Variants in ROPN1L observed in about 807,000 individuals in gnomAD.
ROPN1L encodes the protein rhophilin associated tail protein 1 like.
Under a neutral mutation model 22.7 loss-of-function variants are expected in ROPN1L, and 23 were observed. That is an observed-to-expected ratio of 1.01 (90% CI 0.73 to 1.43). ROPN1L has a LOEUF of 1.43. ROPN1L is among the 40% of genes most tolerant of loss of function. ROPN1L has a pLI of 0.00. For synonymous variants in ROPN1L, 116 were observed against 117.8 expected, an observed-to-expected ratio of 0.98 and a Z score of 0.10; for missense variants, 271 against 291.5, an observed-to-expected ratio of 0.93 and a Z score of 0.51.
At chr5:10,466,884 T>C (rs1307301429), downstream of ROPN1L, among the ~76,000 whole-genome samples, 1 of 152,126 alleles carries the variant, frequency 6.6e-6, no homozygotes, top group Non-Finnish European at 1.5e-5. Context: ...AGGGCTGGTT[T>C]CTCCGGAGGC....
chr5:10,455,142 T>C (rs979994881), intron 3 of ROPN1L, among the ~76,000 whole-genome samples: 3 of 152,178 alleles, frequency 2.0e-5, no homozygotes, highest in African/African-American at 7.2e-5. Context: ...CCCATCCAGC[T>C]GTGCTACAGC....
At chr5:10,443,067 A>G (rs905709395) in intron 1 of ROPN1L, among the ~76,000 whole-genome samples, 1 of 152,156 alleles carries the variant, frequency 6.6e-6, no homozygotes, top group African/African-American at 2.4e-5. Context: ...CAACATTTCA[A>G]ATTTTGGCTG....
At chr5:10,472,132 G>T (rs564221252), downstream of ROPN1L, 7 of 152,338 alleles carry the variant, frequency 4.6e-5, no homozygotes, top group East Asian at 1.3e-3. Context: ...AGGAGAAGTT[G>T]GGAGGAAGGC....
chr5:10,470,694 A>C (rs1392421471), intron 4 of ROPN1L, among the ~76,000 whole-genome samples: 1 of 152,176 alleles, frequency 6.6e-6, no homozygotes, highest in Non-Finnish European at 1.5e-5. Flanking sequence ...CACATGTCCC[A>C]CCTCAAACCC....
At chr5:10,459,417 T>C (rs953247802) in intron 3 of ROPN1L, among the ~76,000 whole-genome samples, 6 of 149,550 alleles carry the variant, frequency 4.0e-5, no homozygotes, top group African/African-American at 1.5e-4. Flanking sequence ...GCAGAAGGAC[T>C]CCTTAGAAAC....
chr5:10,470,122 A>G (rs1735221510), intron 4 of ROPN1L, among the ~76,000 whole-genome samples: 2 of 152,244 alleles, frequency 1.3e-5, no homozygotes, highest in South Asian at 4.1e-4. Flanking sequence ...TTTGCAGCCA[A>G]TAATTTTTTT....
the ROPN1L span, among the ~76,000 whole-genome samples, chr5:10,481,605 A>G: frequency 6.6e-6 from 1 of 152,204 alleles, no homozygotes; most frequent in African/African-American, 2.4e-5. Flanking sequence ...ATATCAAAGC[A>G]TCAGAATGCA....
intron 3 of ROPN1L, among the ~76,000 whole-genome samples, chr5:10,459,498 C>T (rs761531572): frequency 6.6e-6 from 1 of 152,134 alleles, no homozygotes; most frequent in Non-Finnish European, 1.5e-5. Flanking sequence ...AAGCCCAAGT[C>T]CTCCCTGGGT....
rs559103151 is a variant in ROPN1L, at chr5:10,455,146, C to T, written c.417+5033C>T. 9.2e-5 allele frequency among the ~76,000 whole-genome samples: 14 copies of T among 152,322 alleles called. No homozygotes were observed. The South Asian group carries it at 2.7e-3, about 29-fold the overall frequency. On this transcript the variant is annotated intron_variant, in intron 3 of 4. Transcript: ENST00000274134. Reference sequence around the variant, plus strand: ...CAGAACATCGCCCCATCCAGCTGTGCTACAGCATGTCAGATTCAGTGACTG... The same window carrying T: ...CAGAACATCGCCCCATCCAGCTGTGTTACAGCATGTCAGATTCAGTGACTG...
downstream of ROPN1L, among the ~76,000 whole-genome samples, chr5:10,469,152 A>T (rs1314505423): frequency 1.3e-5 from 2 of 150,526 alleles, no homozygotes; most frequent in Non-Finnish European, 3.0e-5. Flanking sequence ...AACTTTCTTT[A>T]AAAAAATAAA....
chr5:10,447,276 G>C (rs887206768), intron 1 of ROPN1L, among the ~76,000 whole-genome samples: 3 of 152,202 alleles, frequency 2.0e-5, no homozygotes, highest in Non-Finnish European at 2.9e-5. Flanking sequence ...AGAAGGTCTT[G>C]CCTGGCACCC....
intron 2 of ROPN1L, among the ~76,000 whole-genome samples, 157 bp from the exon 3 acceptor site, chr5:10,449,795 C>G (rs1242476821): frequency 6.6e-6 from 1 of 152,164 alleles, no homozygotes; most frequent in Non-Finnish European, 1.5e-5. Flanking sequence ...TCCCTGCCTT[C>G]CCTCCCCAGG....
At chr5:10,474,504 C>T (rs1348873351), downstream of ROPN1L, among the ~76,000 whole-genome samples, 5 of 152,132 alleles carry the variant, frequency 3.3e-5, no homozygotes, top group Admixed American at 1.3e-4. Context: ...GACCTCCAGC[C>T]GACTACCAGC....
At chr5:10,446,517 T>C (rs904551062) in intron 1 of ROPN1L, among the ~76,000 whole-genome samples, 9 of 152,074 alleles carry the variant, frequency 5.9e-5, no homozygotes, top group African/African-American at 1.9e-4. Context: ...AAAAATCAGC[T>C]GGGCTTGGTG....
chr5:10,464,325 T>C (rs142608230), intron 4 of ROPN1L, among the ~76,000 whole-genome samples: 230 of 152,356 alleles, frequency 1.5e-3, no homozygotes, highest in African/African-American at 5.3e-3. Context: ...TGCAGTCACA[T>C]GGACGACACA....
Position 10,447,246 on chromosome 5 carries a change from C to G in ROPN1L, c.132-1014C>G, listed in dbSNP as rs953360315. 4.6e-5 allele frequency among the ~76,000 whole-genome samples: 7 copies of G among 152,160 alleles called. No homozygotes were observed. In the East Asian group the frequency reaches 5.8e-4, roughly 13 times the overall value. ...AGCATCGCCACCTCTGGCAAAGATA[C>G]CAAGGGGCGTGAGTTTCTCAGAAGG... is the stretch of plus-strand genomic sequence containing the variant. On this transcript the variant is annotated intron_variant, in intron 1 of 4. Transcript: ENST00000274134.
chr5:10,447,231 C>G (rs975685729), intron 1 of ROPN1L, among the ~76,000 whole-genome samples: 2 of 152,184 alleles, frequency 1.3e-5, no homozygotes, highest in Non-Finnish European at 2.9e-5. Flanking sequence ...AGCATCGCCA[C>G]CTCTGGCAAA....
intron 4 of ROPN1L, among the ~76,000 whole-genome samples, chr5:10,463,541 A>T (rs747049378): frequency 3.3e-5 from 5 of 152,168 alleles, no homozygotes; most frequent in Non-Finnish European, 7.4e-5. Flanking sequence ...GCCCCAAGGG[A>T]GATGGGGTCC....
chr5:10,480,439 T>C, the ROPN1L span, among the ~76,000 whole-genome samples: 1 of 152,068 alleles, frequency 6.6e-6, no homozygotes, highest in African/African-American at 2.4e-5. Context: ...ATTCCTAGGA[T>C]CCCCTGGGAG....
Sources: allele counts gnomAD v4.1 joint callset (sites outside exome capture counted in the v4.1 genomes callset), GRCh38; gene constraint gnomAD v4.1.1; transcripts MANE v1.5; gene names NCBI Gene and HGNC (gene_info 2026-07-23, HGNC 2026-07-21).